LDLRAD4: variants seen among roughly 807,000 people sequenced by gnomAD.
LDLRAD4 encodes the protein low density lipoprotein receptor class A domain containing 4.
A neutral mutation model predicts 17.0 loss-of-function variants in LDLRAD4; 5 were observed. The observed-to-expected ratio is 0.29, with a 90% confidence interval of 0.15 to 0.62. LDLRAD4 has a LOEUF of 0.62. Among genes scored for constraint, LDLRAD4 ranks in the 20% least tolerant of loss-of-function variants. The pLI is 0.84. For missense variants in LDLRAD4, 340 were observed against 424.7 expected, an observed-to-expected ratio of 0.80 and a Z score of 1.75; for synonymous variants, 168 against 171.8, an observed-to-expected ratio of 0.98 and a Z score of 0.17.
chr18:13,642,940 T>TC (rs2042721452), intron 4 of LDLRAD4, among the ~76,000 whole-genome samples: 1 of 150,514 alleles, frequency 6.6e-6, no homozygotes, highest in Non-Finnish European at 1.5e-5. Flanking sequence ...TTTTTTTTTT[T>TC]CTTCTGTTTT....
At chr18:13,620,446 A>G (rs1299589112) in intron 3 of LDLRAD4, among the ~76,000 whole-genome samples, 6 of 152,204 alleles carry the variant, frequency 3.9e-5, no homozygotes, top group Non-Finnish European at 8.8e-5. Flanking sequence ...GGGAGCAGAA[A>G]GTGGCTCCAG....
At chr18:13,598,490 C>A (rs1365756978) in intron 3 of LDLRAD4, among the ~76,000 whole-genome samples, 1 of 152,156 alleles carries the variant, frequency 6.6e-6, no homozygotes, top group Non-Finnish European at 1.5e-5. Flanking sequence ...AAATTCAGGC[C>A]CCTTTGCAGG....
chr18:13,500,913 A>G (rs892979220), intron 3 of LDLRAD4: 1 of 152,184 alleles, frequency 6.6e-6, no homozygotes, highest in African/African-American at 2.4e-5. Flanking sequence ...TCTGACCCAT[A>G]AATTATTCTA....
At chr18:13,646,975 G>C (rs1234210081) in exon 6 of LDLRAD4, 1 of 152,144 alleles carries the variant, frequency 6.6e-6, no homozygotes, top group Non-Finnish European at 1.5e-5. Flanking sequence ...GCTGATCGTG[G>C]TAATAAGCCA....
chr18:13,319,059 T>G (rs1453393958), intron 1 of LDLRAD4, among the ~76,000 whole-genome samples: 1 of 152,166 alleles, frequency 6.6e-6, no homozygotes, highest in Non-Finnish European at 1.5e-5. Flanking sequence ...ATCAAGCCAT[T>G]TAGTGGGTGA....
intron 3 of LDLRAD4, among the ~76,000 whole-genome samples, chr18:13,620,494 A>T (rs764752047): frequency 3.4e-4 from 52 of 152,102 alleles, no homozygotes; most frequent in Non-Finnish European, 6.5e-4. Flanking sequence ...CTCTCCCAAA[A>T]CGGGGGTCTG....
At chr18:13,402,078 C>T (rs980759698) in intron 2 of LDLRAD4, among the ~76,000 whole-genome samples, 13 of 152,210 alleles carry the variant, frequency 8.5e-5, no homozygotes, top group African/African-American at 2.7e-4. Context: ...AAAATGAGAA[C>T]ATCTGATGCA....
chr18:13,560,365 C>T (rs1433195294), intron 3 of LDLRAD4, among the ~76,000 whole-genome samples: 6 of 152,248 alleles, frequency 3.9e-5, no homozygotes, highest in African/African-American at 1.4e-4. Flanking sequence ...AGGTAATGGC[C>T]CAATCTCAGA....
intron 1 of LDLRAD4, among the ~76,000 whole-genome samples, chr18:13,376,164 G>C (rs923364309): frequency 1.3e-5 from 2 of 152,154 alleles, no homozygotes; most frequent in Non-Finnish European, 2.9e-5. Flanking sequence ...CAGGCTGTGC[G>C]GGCACTGGCC....
At chr18:13,402,637 G>A (rs923102100) in intron 2 of LDLRAD4, among the ~76,000 whole-genome samples, 1 of 152,110 alleles carries the variant, frequency 6.6e-6, no homozygotes, top group Admixed American at 6.6e-5. Flanking sequence ...ATTTGTTTCC[G>A]TAGCTCCTAG....
chr18:13,230,363 T>C (rs898402108), intron 1 of LDLRAD4, among the ~76,000 whole-genome samples: 1 of 152,036 alleles, frequency 6.6e-6, no homozygotes, highest in South Asian at 2.1e-4. Context: ...AAGAACAGAT[T>C]TTTTTTTAAG....
At chr18:13,427,118 G>A (rs781169550) in intron 2 of LDLRAD4, among the ~76,000 whole-genome samples, 31 of 152,112 alleles carry the variant, frequency 2.0e-4, no homozygotes, top group South Asian at 2.1e-4. Flanking sequence ...CCCAGGAGGC[G>A]GAGATTGCAG....
At chr18:13,632,917 G>A (rs1269547000) in intron 4 of LDLRAD4, among the ~76,000 whole-genome samples, 1 of 152,198 alleles carries the variant, frequency 6.6e-6, no homozygotes, top group Non-Finnish European at 1.5e-5. Flanking sequence ...CCCACAGTGG[G>A]TAGCTCCTTT....
chr18:13,583,543 AAG>A (rs2148467923), intron 3 of LDLRAD4, among the ~76,000 whole-genome samples: 1 of 152,362 alleles, frequency 6.6e-6, no homozygotes, highest in East Asian at 1.9e-4. Flanking sequence ...TCCAAAAAGA[AAG>A]AAACGAGTTT....
At chr18:13,428,040 G>A (rs545105742) in intron 2 of LDLRAD4, among the ~76,000 whole-genome samples, 59 of 152,274 alleles carry the variant, frequency 3.9e-4, no homozygotes, top group African/African-American at 1.4e-3. Context: ...TGCTGGCCAT[G>A]TACCACACTC....
intron 4 of LDLRAD4, among the ~76,000 whole-genome samples, chr18:13,627,727 G>A (rs2041300529): frequency 6.6e-6 from 1 of 152,170 alleles, no homozygotes; most frequent in South Asian, 2.1e-4. Flanking sequence ...CCCAGGCAAG[G>A]CCCTCCTCTG....
chr18:13,584,546 G>A (rs150439185), intron 3 of LDLRAD4, among the ~76,000 whole-genome samples: 6 of 152,144 alleles, frequency 3.9e-5, no homozygotes, highest in East Asian at 1.9e-4. Context: ...TGCACCTGGC[G>A]CCCAGGAAGA....
intron 3 of LDLRAD4, among the ~76,000 whole-genome samples, chr18:13,494,059 G>C (rs1648610): frequency 6.6e-6 from 1 of 152,172 alleles, no homozygotes. Context: ...TCCTGGGCTC[G>C]GAGCACAGCT....
intron 1 of LDLRAD4, among the ~76,000 whole-genome samples, chr18:13,328,373 G>T (rs1430173729): frequency 2.0e-5 from 3 of 152,114 alleles, no homozygotes; most frequent in African/African-American, 7.2e-5. Flanking sequence ...ACTCCTCCTA[G>T]AGCTCATTGA....
Sources: allele counts gnomAD v4.1 joint callset (sites outside exome capture counted in the v4.1 genomes callset), GRCh38; gene constraint gnomAD v4.1.1; transcripts MANE v1.5; gene names NCBI Gene and HGNC (gene_info 2026-07-23, HGNC 2026-07-21).